The following DPP6 variants were observed in gnomAD, a reference collection of about 807,000 sequenced individuals.
The protein encoded by DPP6 is A-type potassium channel modulatory protein DPP6.
A neutral mutation model predicts 122.6 loss-of-function variants in DPP6; 69 were observed. The ratio of observed to expected loss-of-function variants is 0.56; its 90% CI spans 0.46 to 0.69. The LOEUF is 0.69. Ranked by LOEUF, DPP6 falls within the 30% of genes least tolerant of loss-of-function variation. The pLI, the probability that DPP6 is intolerant of heterozygous loss-of-function variation, is 0.00. For missense variants in DPP6, 928 were observed against 1,116.9 expected (o/e 0.83, Z 2.41); for synonymous variants, 418 against 433.1 (o/e 0.97, Z 0.43).
chr7:154,776,199 TGATAGATAGATAGATA>T lies in DPP6; in HGVS notation c.1136+3278_1136+3293del, dbSNP rs5888595. Among the ~76,000 whole-genome samples, 31 of 148,558 alleles carry T rather than the reference TGATAGATAGATAGATA, an allele frequency of 2.1e-4. No homozygotes were observed. The South Asian group carries it at 5.3e-3, about 25-fold the overall frequency. On this transcript the variant is annotated intron_variant, in intron 10 of 25. Coordinates refer to ENST00000377770, the MANE Select transcript of DPP6 (RefSeq NM_130797.4). ...TGGCCTCAGAAGCCCCCATGATAGA[TGATAGATAGATAGATA>T]GATAGATAGATAGATAGATAAACAG...
At chr7:154,198,134 G>A (rs891944746) in intron 1 of DPP6, among the ~76,000 whole-genome samples, 1 of 151,950 alleles carries the variant, frequency 6.6e-6, no homozygotes, top group Non-Finnish European at 1.5e-5. Context: ...TGTGTCATAT[G>A]GATCCTGCTT....
At chr7:154,259,585 CA>C (rs1181537572) in intron 1 of DPP6, among the ~76,000 whole-genome samples, 1 of 152,118 alleles carries the variant, frequency 6.6e-6, no homozygotes, top group Non-Finnish European at 1.5e-5. Flanking sequence ...GAATGAGAAA[CA>C]GGTTTGAGCA....
chr7:154,033,966 G>T (rs772642980), intron 1 of DPP6, among the ~76,000 whole-genome samples: 2 of 152,196 alleles, frequency 1.3e-5, no homozygotes, highest in Non-Finnish European at 2.9e-5. Context: ...CACAGCACGT[G>T]TTTATAGAGA....
intron 1 of DPP6, among the ~76,000 whole-genome samples, chr7:154,117,850 C>A (rs1027519776): frequency 5.3e-5 from 8 of 152,012 alleles, no homozygotes; most frequent in African/African-American, 1.7e-4. Context: ...GTAGCATGGC[C>A]AGAAGGCTGT....
chr7:154,123,365 C>T (rs1297204235), intron 1 of DPP6, among the ~76,000 whole-genome samples: 2 of 152,182 alleles, frequency 1.3e-5, no homozygotes, highest in East Asian at 3.9e-4. Flanking sequence ...AATCTGAAAG[C>T]TCTTTCTGAA....
At chr7:153,895,990 G>A (rs552852695) in intron 1 of DPP6, among the ~76,000 whole-genome samples, 83 of 152,346 alleles carry the variant, frequency 5.4e-4, no homozygotes, top group South Asian at 3.5e-3. Flanking sequence ...TAGCCAGGCC[G>A]GCCACAAGGC....
intron 4 of DPP6, among the ~76,000 whole-genome samples, chr7:154,559,033 C>T (rs1365669811): frequency 1.3e-5 from 2 of 151,734 alleles, no homozygotes; most frequent in African/African-American, 2.4e-5. Flanking sequence ...AAATGTGACT[C>T]CTAATGAGGA....
chr7:154,578,796 A>G (rs2130648323), intron 5 of DPP6, among the ~76,000 whole-genome samples: 1 of 152,286 alleles, frequency 6.6e-6, no homozygotes, highest in Admixed American at 6.5e-5. Context: ...GCACAAAGGG[A>G]GTAAGTAGTA....
intron 1 of DPP6, among the ~76,000 whole-genome samples, chr7:154,291,200 C>T (rs918070577): frequency 2.0e-5 from 3 of 152,280 alleles, no homozygotes; most frequent in Admixed American, 6.5e-5. Flanking sequence ...GGACCTTTTA[C>T]TTGCCCATCA....
intron 1 of DPP6, among the ~76,000 whole-genome samples, chr7:154,106,315 G>C (rs1352699068): frequency 2.4e-5 from 3 of 123,830 alleles, no homozygotes; most frequent in Admixed American, 9.2e-5. Context: ...GAAAGGCTAG[G>C]TCTGGTCTCT....
intron 1 of DPP6, among the ~76,000 whole-genome samples, chr7:154,388,401 A>G (rs1814310918): frequency 6.6e-6 from 1 of 152,248 alleles, no homozygotes; most frequent in Non-Finnish European, 1.5e-5. Context: ...CAAATCCAGT[A>G]GTTTCCAAAT....
intron 1 of DPP6, among the ~76,000 whole-genome samples, chr7:154,214,177 T>C (rs2150814445): frequency 6.6e-6 from 1 of 152,350 alleles, no homozygotes; most frequent in South Asian, 2.1e-4. Context: ...ACAGTTCAGA[T>C]ATGTGTTTAG....
At chr7:154,740,887 C>T (rs533028312) in intron 8 of DPP6, among the ~76,000 whole-genome samples, 1 of 152,124 alleles carries the variant, frequency 6.6e-6, no homozygotes, top group Non-Finnish European at 1.5e-5. Flanking sequence ...CCTATCTGCC[C>T]TAAAGGAATC....
chr7:153,768,471 C>T, the DPP6 span, among the ~76,000 whole-genome samples: 1 of 152,044 alleles, frequency 6.6e-6, no homozygotes, highest in South Asian at 2.1e-4. Context: ...TAGTATTATA[C>T]TACCAAAGAG....
the DPP6 span, among the ~76,000 whole-genome samples, chr7:153,838,329 C>T: frequency 6.6e-6 from 1 of 152,138 alleles, no homozygotes; most frequent in Non-Finnish European, 1.5e-5. Context: ...GAGACAATTT[C>T]TCTCTCCTCC....
intron 1 of DPP6, among the ~76,000 whole-genome samples, chr7:154,153,712 C>T (rs1256629012): frequency 6.6e-6 from 1 of 152,256 alleles, no homozygotes; most frequent in African/African-American, 2.4e-5. Flanking sequence ...CTTTCCAGGA[C>T]CTACAGTTTT....
chr7:153,781,163 T>C, the DPP6 span, among the ~76,000 whole-genome samples: 39 of 152,354 alleles, frequency 2.6e-4, no homozygotes, highest in African/African-American at 9.4e-4. Context: ...CACGTCACGA[T>C]AATGAAGCAT....
At chr7:154,536,902 T>TAC (rs1260941137) in intron 3 of DPP6, among the ~76,000 whole-genome samples, 1 of 152,216 alleles carries the variant, frequency 6.6e-6, no homozygotes, top group Non-Finnish European at 1.5e-5. Flanking sequence ...ATTAGATTCC[T>TAC]ACCTCACACC....
At chr7:153,849,766 C>G in the DPP6 span, among the ~76,000 whole-genome samples, 1 of 152,136 alleles carries the variant, frequency 6.6e-6, no homozygotes, top group African/African-American at 2.4e-5. Context: ...TTGCTATTTA[C>G]TTGTATTCCA....
Sources: gnomAD v4.1 joint callset for allele counts (sites outside exome capture counted in the v4.1 genomes callset) on GRCh38, gnomAD v4.1.1 for gene constraint, MANE v1.5 for transcripts, NCBI Gene and HGNC (gene_info 2026-07-23, HGNC 2026-07-21) for gene names.